The following DGKZ variants were observed in gnomAD, a reference collection of about 807,000 sequenced individuals.
DGKZ encodes diacylglycerol kinase zeta.
DGKZ carries 45 observed loss-of-function variants against 142.5 expected under a neutral mutation model. That is an observed-to-expected ratio of 0.32 (90% CI 0.25 to 0.40). DGKZ has a LOEUF of 0.40. DGKZ is among the 10% of genes least tolerant of loss of function. DGKZ has a pLI of 1.00. For synonymous variants in DGKZ, 442 were observed against 527.0 expected (o/e 0.84, Z 2.21); for missense variants, 755 against 1,306.5 (o/e 0.58, Z 6.51).
intron 7 of DGKZ, 41 bp downstream of exon 7, chr11:46,371,425 C>G: frequency 6.2e-7 from 1 of 1,610,416 alleles, no homozygotes; most frequent in Non-Finnish European, 8.5e-7. Context: ...CCCTGCACTG[C>G]TGGGTTTGGG....
intron 9 of DGKZ, 45 bp downstream of exon 9, chr11:46,371,820 G>C: frequency 6.3e-7 from 1 of 1,586,106 alleles, no homozygotes; most frequent in Non-Finnish European, 8.6e-7. Flanking sequence ...CAGGAGAGAG[G>C]GGTCTGTTGC....
rs1300738582 is a variant in DGKZ, at chr11:46,373,110, G to A, written c.1326+9G>A. On this transcript the variant is annotated intron_variant, in intron 14 of 30. Transcript: ENST00000527911. ...AAGGCGCCACCGACCGGGTAAGTTG[G>A]CCAGGGTTGGTGGGGGGCAGGGCAG... 6.5e-7 allele frequency: 1 copy of A among 1,541,534 alleles called. No homozygotes were observed. The highest frequency in any genetic ancestry group is 1.2e-5 in the South Asian group (1 of 83,038).
intron 1 of DGKZ, among the ~76,000 whole-genome samples, chr11:46,349,911 G>T (rs1222098781): frequency 6.6e-6 from 1 of 152,218 alleles, no homozygotes; most frequent in Non-Finnish European, 1.5e-5. Context: ...CCCTTGGCGT[G>T]TCTGACCCAT....
chr11:46,333,252 C>T (rs1939857139), exon 1 of DGKZ: 1 of 1,246,446 alleles, frequency 8.0e-7, no homozygotes, highest in Non-Finnish European at 1.0e-6. Context: ...GCCGCAGGAG[C>T]CGCGGGCGGA....
intron 1 of DGKZ, chr11:46,365,478 A>G (rs937644133): frequency 2.3e-5 from 23 of 985,250 alleles, no homozygotes; most frequent in Non-Finnish European, 2.8e-5. Context: ...GCCCAAGCCT[A>G]TTGTCACGGC....
intron 1 of DGKZ, chr11:46,361,623 A>T (rs1942660032): frequency 1.0e-6 from 1 of 985,494 alleles, no homozygotes. Flanking sequence ...GGACTTGCTC[A>T]GCAGAGGCCG....
intron 1 of DGKZ, chr11:46,333,570 G>T (rs1291863677): frequency 4.7e-6 from 6 of 1,279,968 alleles, no homozygotes; most frequent in Non-Finnish European, 6.5e-6. Flanking sequence ...TTTATTGTGC[G>T]CCCGCCGCCT....
intron 20 of DGKZ, 104 bp downstream of exon 20, chr11:46,375,735 C>T: frequency 6.6e-7 from 1 of 1,504,472 alleles, no homozygotes; most frequent in South Asian, 1.2e-5. Flanking sequence ...CCCTCTGCCC[C>T]AGGGGTGTTG....
rs914088968 is a variant in DGKZ at position 46,339,694 on chromosome 11, C to T, written c.212+6207C>T. On this transcript the variant is annotated intron_variant, in intron 1 of 30. Coordinates refer to the DGKZ transcript ENST00000343674. ...GCATTTTGGAGGGAACCTGGGAAGG[C>T]CAGTTTGATCAATGGCATTTGAAGA... 3.9e-5 allele frequency among the ~76,000 whole-genome samples: 6 copies of T among 152,248 alleles called. No homozygotes were observed. The East Asian group carries it at 1.2e-3, about 29-fold the overall frequency.
intron 5 of DGKZ, 98 bp from the exon 6 acceptor site, chr11:46,369,843 G>A (rs976924204): frequency 1.8e-5 from 24 of 1,309,838 alleles, no homozygotes; most frequent in African/African-American, 4.4e-5. Flanking sequence ...ACTGCAGAGC[G>A]CTTCCTGCAG....
In DGKZ at chr11:46,372,545, G is replaced by T. The variant is rs193000385; in HGVS notation, c.1010+35G>T. On this transcript the variant is annotated intron_variant, in intron 11 of 30. Coordinates refer to ENST00000527911, the Ensembl canonical transcript of DGKZ. This position sits in a 1 kb window ranked among gnomAD's most constrained non-coding sequence, Gnocchi z 5.9. ...TGCCAAGGTTTTGTGGGGGACATGG[G>T]GGGGAACTTGCCTCACTCCTGGGGT... The T allele has an allele frequency of 6.2e-6, 10 of 1,613,754 alleles. 1 individual carries two copies. The highest frequency in any genetic ancestry group is 4.4e-5 in the South Asian group (4 of 91,086).
At chr11:46,338,319 A>T (rs1283304934) in intron 1 of DGKZ, among the ~76,000 whole-genome samples, 1 of 151,890 alleles carries the variant, frequency 6.6e-6, no homozygotes, top group Non-Finnish European at 1.5e-5. Flanking sequence ...AACGTGGTTA[A>T]ATCCCACCTC....
Position 46,334,468 on chromosome 11 carries a change from C to T in DGKZ, c.212+981C>T, listed in dbSNP as rs79716624. Among the ~76,000 whole-genome samples the T allele has an allele frequency of 3.3e-3, 508 of 152,332 alleles. 1 individual carries two copies. The highest frequency in any genetic ancestry group is 0.012 in the African/African-American group (491 of 41,572). Reference sequence around the variant, plus strand: ...GGATATGTCTGAGGCTGCCCTGGTTCTCCCAGTGGCTTCTGGGAAGACGTT... The same window carrying T: ...GGATATGTCTGAGGCTGCCCTGGTTTTCCCAGTGGCTTCTGGGAAGACGTT... On this transcript the variant is annotated intron_variant, in intron 1 of 30. Coordinates refer to the DGKZ transcript ENST00000343674.
In DGKZ at chr11:46,347,893, C is replaced by G. The variant is rs949562808; in HGVS notation, c.161+73C>G. Reference sequence around the variant, plus strand: ...CGCTCCCTCACCGGGGGACATTCCTCGGCCACTGGGGGTCCGGGCCACTTC... The same window carrying G: ...CGCTCCCTCACCGGGGGACATTCCTGGGCCACTGGGGGTCCGGGCCACTTC... On this transcript the variant is annotated intron_variant, in intron 1 of 30. Transcript: ENST00000527911. The surrounding 1 kb of genome is among the most constrained non-coding windows in gnomAD (Gnocchi z 6.4). 2.4e-6 allele frequency: 3 copies of G among 1,265,166 alleles called. No homozygotes were observed. The highest frequency in any genetic ancestry group is 3.1e-5 in the African/African-American group (2 of 64,234). 78.4% of individuals were successfully genotyped at this position (1,265,166 alleles called of 1,614,324 possible).
chr11:46,346,734 C>A (rs949901101), upstream of DGKZ, among the ~76,000 whole-genome samples: 9 of 152,092 alleles, frequency 5.9e-5, no homozygotes, highest in African/African-American at 2.2e-4. Flanking sequence ...AAGGGCTGTG[C>A]AGGTGATTCC....
At chr11:46,366,097 T>C in intron 1 of DGKZ, 1 of 1,384,960 alleles carries the variant, frequency 7.2e-7, no homozygotes, top group Non-Finnish European at 9.3e-7. Flanking sequence ...CCTCAGGGGT[T>C]GCTTCCCTTC....
chr11:46,351,690 T>G (rs146738453), intron 1 of DGKZ, among the ~76,000 whole-genome samples: 116 of 152,286 alleles, frequency 7.6e-4, no homozygotes, highest in Non-Finnish European at 1.3e-3. Flanking sequence ...AGGGACAACC[T>G]AGAATCCTTG....
intron 19 of DGKZ, 71 bp downstream of exon 19, chr11:46,375,116 T>C (rs1944391967): frequency 7.2e-7 from 1 of 1,387,432 alleles, no homozygotes; most frequent in Non-Finnish European, 9.6e-7. Context: ...CATACTCACC[T>C]CCATGGGCCA....
chr11:46,379,872 C>T, exon 31 of DGKZ: 1 of 1,610,464 alleles, frequency 6.2e-7, no homozygotes, highest in Non-Finnish European at 8.5e-7. Flanking sequence ...CTCAGGACAC[C>T]GAGCTGGCCG....
Sources: allele counts gnomAD v4.1 joint callset (sites outside exome capture counted in the v4.1 genomes callset), GRCh38; gene constraint gnomAD v4.1.1; non-coding constraint Gnocchi (gnomAD v3.1); transcripts MANE v1.5; gene names NCBI Gene and HGNC (gene_info 2026-07-23, HGNC 2026-07-21).